CADPS2: variants seen among roughly 807,000 people sequenced by gnomAD.
The protein encoded by CADPS2 is calcium dependent secretion activator 2.
CADPS2 carries 93 observed loss-of-function variants against 172.5 expected under a neutral mutation model. That is an observed-to-expected ratio of 0.54 (90% CI 0.46 to 0.64). The LOEUF (loss-of-function observed/expected upper bound fraction) is 0.64. Ranked by LOEUF, CADPS2 falls within the 30% of genes least tolerant of loss-of-function variation. The pLI is 0.00. For missense variants in CADPS2, 1,420 were observed against 1,565.9 expected (o/e 0.91, Z 1.57); for synonymous variants, 546 against 555.2 (o/e 0.98, Z 0.23).
chr7:122,816,128 A>G (rs1016860692), intron 1 of CADPS2, among the ~76,000 whole-genome samples: 14 of 151,974 alleles, frequency 9.2e-5, no homozygotes, highest in South Asian at 4.2e-4. Context: ...CTTTCTTCCT[A>G]TTTTTTTAAC....
At chr7:122,555,195 G>A (rs374939312) in intron 7 of CADPS2, among the ~76,000 whole-genome samples, 1 of 152,064 alleles carries the variant, frequency 6.6e-6, no homozygotes, top group Admixed American at 6.6e-5. Flanking sequence ...ATTTTCTGCT[G>A]TAGATCAATA....
At chr7:122,399,581 T>TC (rs1202419189) in intron 20 of CADPS2, among the ~76,000 whole-genome samples, 1 of 150,532 alleles carries the variant, frequency 6.6e-6, no homozygotes, top group Admixed American at 6.6e-5. Flanking sequence ...TGAGTTAATG[T>TC]CCCACAATAC....
chr7:122,447,226 G>A (rs1342143661), intron 15 of CADPS2, among the ~76,000 whole-genome samples: 1 of 151,748 alleles, frequency 6.6e-6, no homozygotes, highest in Non-Finnish European at 1.5e-5. Context: ...TCCATGCCTT[G>A]CTCAATAGTT....
At chr7:122,707,864 A>G (rs1052792535) in intron 2 of CADPS2, among the ~76,000 whole-genome samples, 1 of 151,656 alleles carries the variant, frequency 6.6e-6, no homozygotes. Flanking sequence ...ATTACTGGTT[A>G]AAAAAACTTC....
intron 17 of CADPS2, chr7:122,425,825 C>A (rs2049105895): frequency 6.6e-6 from 1 of 152,040 alleles, no homozygotes; most frequent in Non-Finnish European, 1.5e-5. Context: ...CATGCCTATT[C>A]CTTCCTGTTT....
intron 27 of CADPS2, among the ~76,000 whole-genome samples, chr7:122,359,642 C>T (rs367959371): frequency 1.3e-5 from 2 of 152,110 alleles, no homozygotes; most frequent in East Asian, 1.9e-4. Flanking sequence ...AACATAAAAT[C>T]TCCCCTTAAT....
chr7:122,448,193 A>T (rs2052556578), intron 15 of CADPS2, among the ~76,000 whole-genome samples: 1 of 152,310 alleles, frequency 6.6e-6, no homozygotes, highest in African/African-American at 2.4e-5. Flanking sequence ...AGTCATTCTA[A>T]CTCATTGTAT....
intron 22 of CADPS2, among the ~76,000 whole-genome samples, chr7:122,390,676 A>C (rs1479892249): frequency 1.3e-4 from 20 of 152,110 alleles, no homozygotes; most frequent in Admixed American, 1.3e-3. Flanking sequence ...TTTAATTGGG[A>C]ATGTAATTAA....
chr7:122,599,775 C>T (rs905056094), intron 6 of CADPS2, among the ~76,000 whole-genome samples: 1 of 151,970 alleles, frequency 6.6e-6, no homozygotes, highest in Non-Finnish European at 1.5e-5. Context: ...GACAATGTTA[C>T]ATATAATATG....
chr7:122,319,273 A>T lies in CADPS2; in HGVS notation c.*892T>A, dbSNP rs1352790396. On this transcript the variant is annotated 3_prime_UTR_variant, in exon 30 of 30. Coordinates refer to ENST00000449022, the MANE Select transcript of CADPS2 (RefSeq NM_017954.11). Reference sequence around the variant, plus strand: ...CTCATTTGATTAAAAACAAAATATTACAAACAAAACAAACAAAAAACTCAA... The same window carrying T: ...CTCATTTGATTAAAAACAAAATATTTCAAACAAAACAAACAAAAAACTCAA... 3.9e-5 allele frequency: 6 copies of T among 152,218 alleles called. No homozygotes were observed. Among genetic ancestry groups the T allele is most frequent in the African/African-American group, 1.4e-4 (6 of 41,436 alleles). The allele number at this position is 152,218 out of a possible 1,614,324, so 9.4% of individuals were successfully genotyped here.
chr7:122,541,715 ACATATATT>A (rs1439587154), intron 8 of CADPS2, among the ~76,000 whole-genome samples: 1 of 145,720 alleles, frequency 6.9e-6, no homozygotes, highest in Non-Finnish European at 1.5e-5. Context: ...TCATATATTT[ACATATATT>A]CATATATATT....
At position 122,445,526 on chromosome 7, in the gene CADPS2, T is replaced by C. The variant is rs144948341; in HGVS notation, c.2289-3951A>G. Among the ~76,000 whole-genome samples, 418 of 152,266 alleles carry C rather than the reference T, an allele frequency of 2.7e-3. 4 individuals carry two copies. Among genetic ancestry groups the C allele is most frequent in the Non-Finnish European group, 2.8e-3 (189 of 68,010 alleles). ...GTATATAGAAATATATTAATATTTA[T>C]ATATTTATCACAGGGTGTGGTGGCT... On this transcript the variant is annotated intron_variant, in intron 15 of 29. Coordinates refer to ENST00000449022, the MANE Select transcript of CADPS2 (RefSeq NM_017954.11).
intron 24 of CADPS2, among the ~76,000 whole-genome samples, chr7:122,383,532 A>G (rs1161238177): frequency 6.6e-6 from 1 of 151,508 alleles, no homozygotes; most frequent in Non-Finnish European, 1.5e-5. Flanking sequence ...ATTTCAATTC[A>G]TTCTTAAGTT....
At position 122,775,855 on chromosome 7, in the gene CADPS2, T is replaced by C. The variant is rs556602747; in HGVS notation, c.340-38787A>G. Among the ~76,000 whole-genome samples, 180 of 152,332 alleles carry C rather than the reference T, an allele frequency of 1.2e-3. 1 individual carries two copies. The Middle Eastern group carries it at 0.014, about 12-fold the overall frequency. On this transcript the variant is annotated intron_variant, in intron 1 of 29. Coordinates refer to ENST00000449022, the MANE Select transcript of CADPS2 (RefSeq NM_017954.11). ...GTTTCACAACTTTCTTAGGAAGTCATTCAAATTTAATCATAAGTTCTGCTA... is the reference window on the plus strand; with the variant it reads ...GTTTCACAACTTTCTTAGGAAGTCACTCAAATTTAATCATAAGTTCTGCTA...
intron 4 of CADPS2, among the ~76,000 whole-genome samples, chr7:122,624,278 T>C (rs1480861085): frequency 1.3e-5 from 2 of 152,216 alleles, no homozygotes; most frequent in African/African-American, 4.8e-5. Flanking sequence ...GAGTCACTCT[T>C]ACAAGTCATG....
chr7:122,663,441 C>G lies in CADPS2; in HGVS notation c.582G>C (p.Leu194Phe), dbSNP rs1188136337. Residue 194 changes from leucine to phenylalanine, a missense_variant, in exon 3 of 30, where the codon TTG (leucine) becomes TTC (phenylalanine). Leu to Phe is a conservative substitution (Grantham distance 22, BLOSUM62 0). Coordinates refer to ENST00000449022, the MANE Select transcript of CADPS2 (RefSeq NM_017954.11). Reference protein sequence around the residue: ...RVRSLPEIDGLSKETVLSSWI... With the variant: ...RVRSLPEIDGFSKETVLSSWI... The stretch of plus-strand genomic sequence containing the variant: ...ATGAGCTCAACACTGTCTCTTTGCT[C>G]AAGCCATCTATTTCTGGCAAACTCC... 1 of 1,613,954 alleles carries G rather than the reference C, an allele frequency of 6.2e-7. No homozygotes were observed. The highest frequency in any genetic ancestry group is 8.5e-7 in the Non-Finnish European group (1 of 1,179,882).
At chr7:122,489,120 A>C (rs928351761) in intron 11 of CADPS2, among the ~76,000 whole-genome samples, 1 of 152,226 alleles carries the variant, frequency 6.6e-6, no homozygotes, top group Admixed American at 6.5e-5. Context: ...GATATGCCCC[A>C]AAATAATTAC....
intron 1 of CADPS2, among the ~76,000 whole-genome samples, chr7:122,742,373 T>A (rs2092529121): frequency 6.6e-6 from 1 of 151,704 alleles, no homozygotes; most frequent in South Asian, 2.1e-4. Context: ...CCAGCCTGGG[T>A]GACAGAGACT....
chr7:122,369,282 C>T (rs2041446279), intron 25 of CADPS2, among the ~76,000 whole-genome samples: 1 of 151,902 alleles, frequency 6.6e-6, no homozygotes, highest in African/African-American at 2.4e-5. Flanking sequence ...ATGTGCCCGC[C>T]ACCATGCCCG....
Sources: allele counts gnomAD v4.1 joint callset (sites outside exome capture counted in the v4.1 genomes callset), GRCh38; gene constraint gnomAD v4.1.1; transcripts MANE v1.5; gene names NCBI Gene and HGNC (gene_info 2026-07-23, HGNC 2026-07-21).